Variants in POLD3 observed in about 807,000 individuals in gnomAD.
POLD3 encodes the protein DNA polymerase delta 3, accessory subunit.
Under a neutral mutation model 58.2 loss-of-function variants are expected in POLD3, and 19 were observed. That is an observed-to-expected ratio of 0.33 (90% CI 0.23 to 0.48). The LOEUF is 0.48. POLD3 is among the 20% of genes least tolerant of loss of function. The probability of loss-of-function intolerance (pLI) is 0.99; values close to 1 mark genes in which losing one functional copy is unlikely to be tolerated. For missense variants in POLD3, 504 were observed against 545.5 expected, an observed-to-expected ratio of 0.92 and a Z score of 0.76; for synonymous variants, 172 against 193.5, an observed-to-expected ratio of 0.89 and a Z score of 0.92.
chr11:74,623,275 A>C (rs1189297445), intron 7 of POLD3, among the ~76,000 whole-genome samples: 1 of 152,086 alleles, frequency 6.6e-6, no homozygotes, highest in Admixed American at 6.5e-5. Flanking sequence ...CTCCTAAAAA[A>C]ATACAAAAAA....
chr11:74,594,146 A>G (rs1275249208), intron 2 of POLD3, 30 bp downstream of exon 2: 3 of 1,372,456 alleles, frequency 2.2e-6, no homozygotes, highest in African/African-American at 2.9e-5. Context: ...AATTTTAATC[A>G]TATTGGAATT....
intron 4 of POLD3, among the ~76,000 whole-genome samples, chr11:74,651,298 C>T (rs1419548246): frequency 6.6e-6 from 1 of 152,210 alleles, no homozygotes; most frequent in Admixed American, 6.5e-5. Flanking sequence ...AAGTCATTCT[C>T]TTCTCTGGGC....
Position 74,640,820 on chromosome 11 carries a change from A to T in POLD3, c.*54A>T. ...GGAGTGGTCAAGGGAGAAGACCAAG[A>T]AATGTACTCCTCACTTACTATGTAA... On this transcript the variant is annotated 3_prime_UTR_variant, in exon 12 of 12. Coordinates refer to ENST00000263681, the MANE Select transcript of POLD3 (RefSeq NM_006591.3). 1 of 1,454,376 alleles carries T rather than the reference A, an allele frequency of 6.9e-7. No homozygotes were observed. Among genetic ancestry groups the T allele is most frequent in the Non-Finnish European group, 9.1e-7 (1 of 1,102,648 alleles). 90.1% of individuals were successfully genotyped at this position (1,454,376 alleles called of 1,614,324 possible).
intron 3 of POLD3, among the ~76,000 whole-genome samples, chr11:74,610,204 G>GC (rs2031860668): frequency 1.3e-5 from 2 of 149,048 alleles, no homozygotes; most frequent in East Asian, 3.9e-4. Flanking sequence ...CCTACCACTT[G>GC]CCCTTTTTTT....
chr11:74,615,175 A>G (rs1028762800), intron 5 of POLD3, among the ~76,000 whole-genome samples: 12 of 152,244 alleles, frequency 7.9e-5, no homozygotes, highest in African/African-American at 2.9e-4. Flanking sequence ...TCTTGTCAGT[A>G]AAGCTGACAG....
chr11:74,645,194 A>C (rs900583411), downstream of POLD3, among the ~76,000 whole-genome samples: 2 of 152,236 alleles, frequency 1.3e-5, no homozygotes, highest in Admixed American at 6.5e-5. Context: ...ACAATAAAAG[A>C]TTTAAAGAAA....
At chr11:74,607,244 A>ATATT (rs376369916) in intron 3 of POLD3, among the ~76,000 whole-genome samples, 53,999 of 122,920 alleles carry the variant, frequency 0.44, 11,153 homozygotes, top group Non-Finnish European at 0.48. Context: ...TTATTATTAT[A>ATATT]TATTTATTTA....
At chr11:74,647,233 G>A (rs1177187416), downstream of POLD3, among the ~76,000 whole-genome samples, 2 of 152,224 alleles carry the variant, frequency 1.3e-5, no homozygotes, top group Non-Finnish European at 2.9e-5. Flanking sequence ...GGGGGTTGGG[G>A]ACCCCTGGTA....
chr11:74,664,585 C>T (rs2033243523), intron 4 of POLD3, among the ~76,000 whole-genome samples: 1 of 151,962 alleles, frequency 6.6e-6, no homozygotes, highest in African/African-American at 2.4e-5. Flanking sequence ...ACAAAGACAT[C>T]ATAAGAAAAC....
intron 9 of POLD3, 60 bp downstream of exon 9, chr11:74,629,383 G>C: frequency 1.1e-6 from 1 of 894,782 alleles, no homozygotes; most frequent in South Asian, 1.5e-5. Context: ...TGTTCAAGGA[G>C]CTAAAAAAGT....
chr11:74,596,433 G>A (rs1290006058), intron 2 of POLD3, among the ~76,000 whole-genome samples: 8 of 151,912 alleles, frequency 5.3e-5, no homozygotes, highest in African/African-American at 9.7e-5. Context: ...TGATCTGCCC[G>A]CCTCGGCCTT....
At chr11:74,599,426 C>A (rs1455238295) in intron 2 of POLD3, among the ~76,000 whole-genome samples, 1 of 147,634 alleles carries the variant, frequency 6.8e-6, no homozygotes, top group Non-Finnish European at 1.5e-5. Flanking sequence ...AGTGCAGTGG[C>A]GGAACTCAGC....
chr11:74,606,050 A>G (rs578227708), intron 3 of POLD3, among the ~76,000 whole-genome samples: 1 of 152,158 alleles, frequency 6.6e-6, no homozygotes, highest in Non-Finnish European at 1.5e-5. Flanking sequence ...GCGCCACTGC[A>G]CTCCAGCTTG....
At chr11:74,658,261 A>G (rs1020545275) in intron 4 of POLD3, among the ~76,000 whole-genome samples, 3 of 152,200 alleles carry the variant, frequency 2.0e-5, no homozygotes, top group African/African-American at 7.2e-5. Flanking sequence ...GAGACTTATT[A>G]TCACAAAAAT....
intron 3 of POLD3, among the ~76,000 whole-genome samples, chr11:74,611,051 A>AG (rs1250427316): frequency 6.6e-6 from 1 of 152,224 alleles, no homozygotes; most frequent in East Asian, 1.9e-4. Flanking sequence ...TTGGGATTAC[A>AG]GGCGTGACCC....
intron 4 of POLD3, among the ~76,000 whole-genome samples, chr11:74,656,388 A>G (rs1000134231): frequency 4.6e-5 from 7 of 152,128 alleles, no homozygotes; most frequent in Admixed American, 4.6e-4. Context: ...GAAGTTTGAG[A>G]CCAGCCTGAC....
At position 74,625,871 on chromosome 11, in the gene POLD3, T is replaced by TTGTGTGTGTGTGTGTG. The variant is rs56365420; in HGVS notation, c.899+318_899+333dup. On this transcript the variant is annotated intron_variant, in intron 8 of 11. Transcript: ENST00000263681. ...GTGGACATGGCATAAGTGTGCCTAGTTGTGTGTGTGTGTGTGTGTGTGTGT... is the reference window on the plus strand; with the variant it reads ...GTGGACATGGCATAAGTGTGCCTAGTTGTGTGTGTGTGTGTGTGTGTGTGTGTGTGTGTGTGTGTGT... Among the ~76,000 whole-genome samples, 366 of 143,664 alleles carry TTGTGTGTGTGTGTGTG rather than the reference T, an allele frequency of 2.5e-3. 3 individuals carry two copies. The highest frequency in any genetic ancestry group is 6.1e-3 in the South Asian group (27 of 4,450). 94.2% of individuals were successfully genotyped at this position (143,664 alleles called of 152,430 possible).
intron 3 of POLD3, among the ~76,000 whole-genome samples, chr11:74,606,401 C>A (rs527756498): frequency 6.6e-6 from 1 of 152,302 alleles, no homozygotes; most frequent in African/African-American, 2.4e-5. Context: ...CTGTCTCTTT[C>A]TCTAATTAGT....
intron 4 of POLD3, among the ~76,000 whole-genome samples, chr11:74,665,323 CAA>C (rs143931611): frequency 0.42 from 50,825 of 120,242 alleles, 11,297 homozygotes; most frequent in Non-Finnish European, 0.53. Context: ...GACTCTGTCT[CAA>C]AAAAAAAAAA....
Sources: gnomAD v4.1 joint callset for allele counts (sites outside exome capture counted in the v4.1 genomes callset) on GRCh38, gnomAD v4.1.1 for gene constraint, MANE v1.5 for transcripts, NCBI Gene and HGNC (gene_info 2026-07-23, HGNC 2026-07-21) for gene names.